The following ANO4 variants were observed in gnomAD, a reference collection of about 807,000 sequenced individuals.
The protein encoded by ANO4 is anoctamin-4.
A neutral mutation model predicts 141.9 loss-of-function variants in ANO4; 69 were observed. The ratio of observed to expected loss-of-function variants is 0.49; its 90% CI spans 0.40 to 0.59. The LOEUF (loss-of-function observed/expected upper bound fraction) is 0.59, where lower values mean the gene tolerates loss of function less well. Among genes scored for constraint, ANO4 ranks in the 20% least tolerant of loss-of-function variants. ANO4 has a pLI of 0.00. For synonymous variants in ANO4, 350 were observed against 394.3 expected (o/e 0.89, Z 1.33); for missense variants, 894 against 1,162.2 (o/e 0.77, Z 3.36).
chr12:100,898,416 C>T (rs531697744), intron 1 of ANO4, among the ~76,000 whole-genome samples: 19 of 152,204 alleles, frequency 1.2e-4, no homozygotes, highest in African/African-American at 2.4e-4. Context: ...TAGGCTAGGC[C>T]CTTTATCTGT....
chr12:100,972,955 G>T (rs2043996314), intron 6 of ANO4, among the ~76,000 whole-genome samples: 1 of 152,206 alleles, frequency 6.6e-6, no homozygotes, highest in African/African-American at 2.4e-5. Context: ...TAACACTTCT[G>T]CATGCCTACT....
At chr12:100,815,185 A>G (rs1459958859) in intron 1 of ANO4, among the ~76,000 whole-genome samples, 1 of 152,076 alleles carries the variant, frequency 6.6e-6, no homozygotes, top group Admixed American at 6.6e-5. Context: ...AAAATGAACC[A>G]TTTGCCATTT....
chr12:100,984,798 T>C (rs1465964507), intron 7 of ANO4, among the ~76,000 whole-genome samples: 1 of 152,198 alleles, frequency 6.6e-6, no homozygotes. Context: ...TAATTAATCA[T>C]TTTAATTACC....
At chr12:100,951,557 A>G (rs1027325880) in intron 5 of ANO4, among the ~76,000 whole-genome samples, 7 of 152,350 alleles carry the variant, frequency 4.6e-5, no homozygotes, top group South Asian at 2.1e-4. Flanking sequence ...GCTGGAGGCC[A>G]TTATCCTTAG....
intron 14 of ANO4, among the ~76,000 whole-genome samples, chr12:101,048,985 A>G (rs2047749385): frequency 2.0e-5 from 3 of 152,198 alleles, no homozygotes; most frequent in South Asian, 2.1e-4. Context: ...TATTTAACCT[A>G]CCTCTTTGTA....
intron 3 of ANO4, among the ~76,000 whole-genome samples, chr12:100,770,126 G>T (rs2033233888): frequency 6.6e-6 from 1 of 151,872 alleles, no homozygotes; most frequent in Non-Finnish European, 1.5e-5. Flanking sequence ...TTTTTGCTTT[G>T]GCTACCAGGA....
chr12:101,024,097 G>A (rs1262838765), intron 9 of ANO4, among the ~76,000 whole-genome samples: 2 of 152,074 alleles, frequency 1.3e-5, no homozygotes, highest in East Asian at 3.9e-4. Flanking sequence ...AATCAAACCT[G>A]GTGAAACCCA....
intron 1 of ANO4, among the ~76,000 whole-genome samples, chr12:100,797,422 G>A (rs540860511): frequency 1.3e-5 from 2 of 152,050 alleles, no homozygotes; most frequent in East Asian, 3.9e-4. Flanking sequence ...CCTTTGCAGG[G>A]TCTCTGAAAG....
chr12:100,925,961 A>G (rs75494058), intron 3 of ANO4, among the ~76,000 whole-genome samples: 1,914 of 151,934 alleles, frequency 0.013, 43 homozygotes, highest in African/African-American at 0.044. Flanking sequence ...TAGGCTGGCC[A>G]TGATGGTGTT....
chr12:101,071,225 G>T (rs932953342), intron 14 of ANO4, among the ~76,000 whole-genome samples: 1 of 151,910 alleles, frequency 6.6e-6, no homozygotes, highest in Non-Finnish European at 1.5e-5. Flanking sequence ...TCCTATGCTT[G>T]CTCTAGCACT....
chr12:100,964,813 C>T (rs1019808570), intron 5 of ANO4, among the ~76,000 whole-genome samples: 7 of 152,164 alleles, frequency 4.6e-5, no homozygotes, highest in Non-Finnish European at 1.0e-4. Context: ...CTTGTCCACA[C>T]CACTCTATCT....
At chr12:101,001,584 C>T (rs2045643567) in intron 8 of ANO4, among the ~76,000 whole-genome samples, 1 of 152,206 alleles carries the variant, frequency 6.6e-6, no homozygotes, top group South Asian at 2.1e-4. Context: ...ACCCATGCTC[C>T]TTCCATAATA....
intron 8 of ANO4, among the ~76,000 whole-genome samples, chr12:101,013,058 G>A (rs1350830849): frequency 1.3e-5 from 2 of 152,164 alleles, no homozygotes; most frequent in Admixed American, 1.3e-4. Context: ...GTATAAAACA[G>A]TTTGGTGATT....
At chr12:101,020,359 G>A (rs1261224462) in intron 9 of ANO4, among the ~76,000 whole-genome samples, 2 of 152,198 alleles carry the variant, frequency 1.3e-5, no homozygotes, top group African/African-American at 4.8e-5. Context: ...AGATCATGGA[G>A]AAATTCTCTC....
chr12:101,127,256 C>G (rs2051359013), intron 27 of ANO4, among the ~76,000 whole-genome samples, 182 bp downstream of exon 27: 1 of 152,154 alleles, frequency 6.6e-6, no homozygotes, highest in Non-Finnish European at 1.5e-5. Flanking sequence ...CTTGATCTTC[C>G]CCTCCCACAT....
chr12:100,741,621 A>T (rs1377218858), intron 3 of ANO4, among the ~76,000 whole-genome samples: 1 of 152,148 alleles, frequency 6.6e-6, no homozygotes, highest in Non-Finnish European at 1.5e-5. Context: ...AGCACTGGGG[A>T]ACATTTGCAT....
intron 5 of ANO4, among the ~76,000 whole-genome samples, chr12:100,967,615 CATAG>C (rs1448652130): frequency 2.9e-4 from 43 of 150,736 alleles, no homozygotes; most frequent in African/African-American, 9.8e-4. Flanking sequence ...ACAGAGGACT[CATAG>C]ATATTCATCG....
At chr12:101,117,117 C>A (rs1012828081) in intron 25 of ANO4, among the ~76,000 whole-genome samples, 7 of 152,112 alleles carry the variant, frequency 4.6e-5, no homozygotes, top group Non-Finnish European at 8.8e-5. Flanking sequence ...ACAGACAATC[C>A]CCAGGCGGGT....
At chr12:100,948,604 A>T (rs985464721) in intron 5 of ANO4, among the ~76,000 whole-genome samples, 11 of 152,176 alleles carry the variant, frequency 7.2e-5, no homozygotes, top group African/African-American at 2.2e-4. Flanking sequence ...ATGATTATTT[A>T]AAAAAGGGAG....
Sources: gnomAD v4.1 joint callset for allele counts (sites outside exome capture counted in the v4.1 genomes callset) on GRCh38, gnomAD v4.1.1 for gene constraint, MANE v1.5 for transcripts, NCBI Gene and HGNC (gene_info 2026-07-23, HGNC 2026-07-21) for gene names.